DRC3: variants seen among roughly 807,000 people sequenced by gnomAD.
The protein encoded by DRC3 is dynein regulatory complex subunit 3.
DRC3 carries 45 observed loss-of-function variants against 57.6 expected under a neutral mutation model. The observed-to-expected ratio is 0.78, with a 90% CI of 0.62 to 1.00. DRC3 has a LOEUF of 1.00. Among genes scored for constraint, DRC3 ranks in the 50% least tolerant of loss-of-function variants. The probability of loss-of-function intolerance (pLI) is 0.00; values close to 1 mark genes in which losing one functional copy is unlikely to be tolerated. For synonymous variants in DRC3, 257 were observed against 272.3 expected (o/e 0.94, Z 0.55); for missense variants, 655 against 675.2 (o/e 0.97, Z 0.33).
In DRC3 at chr17:18,004,500, G is replaced by C; in HGVS notation, c.1131+6G>C. 3 of 1,608,658 alleles carry C rather than the reference G, an allele frequency of 1.9e-6. No individual in the cohort carries two copies. Among genetic ancestry groups the C allele is most frequent in the African/African-American group, 1.3e-5 (1 of 74,994 alleles). On this transcript the variant is annotated splice_donor_region_variant and intron_variant, in intron 10 of 13. Transcript: ENST00000399187. ...AGCTGGTGGAGCAGCTGGAGGTAAG[G>C]CTGGGCCCTGGGCACAAGTGCCAGA...
chr17:17,982,888 C>T (rs773018338), intron 3 of DRC3, among the ~76,000 whole-genome samples: 1 of 152,140 alleles, frequency 6.6e-6, no homozygotes, highest in African/African-American at 2.4e-5. Context: ...TGAGCATATT[C>T]TAATTTTATA....
intron 9 of DRC3, among the ~76,000 whole-genome samples, chr17:17,998,991 A>G (rs952271347): frequency 6.6e-6 from 1 of 152,198 alleles, no homozygotes; most frequent in Non-Finnish European, 1.5e-5. Context: ...TCCCCTCTGG[A>G]CAGGTCATGT....
At position 18,016,244 on chromosome 17, in the gene DRC3, T is replaced by G. The variant is rs752836364; in HGVS notation, c.1458+49T>G. ...AGCAGGCTGGATGAACTTTTCTAGC[T>G]GACATGGAAATCCTCCCTAGGTAGT... On this transcript the variant is annotated intron_variant, in intron 13 of 13. Transcript: ENST00000399187. The G allele has an allele frequency of 1.1e-5, 18 of 1,596,368 alleles. No homozygotes were observed. In the East Asian group the frequency reaches 4.0e-4, roughly 36 times the overall value.
At chr17:17,994,545 G>A in intron 7 of DRC3, 127 bp downstream of exon 7, 1 of 1,310,834 alleles carries the variant, frequency 7.6e-7, no homozygotes, top group Non-Finnish European at 1.0e-6. Context: ...CCTCCACAGG[G>A]CCTGATGCCC....
chr17:18,000,332 C>G (rs549300138), intron 9 of DRC3, among the ~76,000 whole-genome samples: 11 of 138,452 alleles, frequency 7.9e-5, no homozygotes, highest in Non-Finnish European at 1.5e-4. Context: ...ATAGCATGCC[C>G]TGTTCTGTAC....
intron 8 of DRC3, 58 bp from the exon 9 acceptor site, chr17:17,997,402 C>G: frequency 6.4e-7 from 1 of 1,559,378 alleles, no homozygotes; most frequent in Non-Finnish European, 8.8e-7. Flanking sequence ...AACACCTTGG[C>G]CGTGCCCTCC....
chr17:18,009,225 G>A (rs2044086417), intron 12 of DRC3, among the ~76,000 whole-genome samples: 1 of 152,170 alleles, frequency 6.6e-6, no homozygotes, highest in Non-Finnish European at 1.5e-5. Context: ...ACCAGCCTGG[G>A]TAACATAGCG....
rs577269093 is a variant in DRC3 at position 18,008,658 on chromosome 17, A to G, written c.1326+1511A>G. Among the ~76,000 whole-genome samples the G allele has an allele frequency of 2.6e-4, 40 of 152,338 alleles. 1 individual carries two copies. The South Asian group carries it at 8.3e-3, about 32-fold the overall frequency. ...AGACACCCAACATAGCAGTGTGGTG[A>G]TAGGGTCACCGTGACACCAGCCTTC... is the stretch of plus-strand genomic sequence containing the variant. On this transcript the variant is annotated intron_variant, in intron 12 of 13. Coordinates refer to ENST00000399187, the MANE Select transcript of DRC3 (RefSeq NM_031294.4). The surrounding 1 kb of genome is among the most constrained non-coding windows in gnomAD (Gnocchi z 4.3).
At chr17:18,015,033 G>A (rs1264300421) in intron 12 of DRC3, 2 of 152,128 alleles carry the variant, frequency 1.3e-5, no homozygotes, top group African/African-American at 2.4e-5. Flanking sequence ...GAAGTCTGTA[G>A]CCAAAAAAGT....
intron 2 of DRC3, among the ~76,000 whole-genome samples, chr17:17,976,609 C>T (rs1318901130): frequency 2.0e-5 from 3 of 152,024 alleles, no homozygotes; most frequent in Non-Finnish European, 4.4e-5. Context: ...TGAATCCGGG[C>T]GTTGCAGTGA....
At chr17:17,994,084 C>A in intron 6 of DRC3, 1 of 547,090 alleles carries the variant, frequency 1.8e-6, no homozygotes, top group Non-Finnish European at 3.1e-6. Flanking sequence ...TGGTCTTTCC[C>A]TGATTTCCCT....
Position 17,997,548 on chromosome 17 carries a change from T to C in DRC3, c.913T>C (p.Phe305Leu). The C allele has an allele frequency of 6.2e-7, 1 of 1,610,952 alleles. No homozygotes were observed. Among genetic ancestry groups the C allele is most frequent in the Non-Finnish European group, 8.5e-7 (1 of 1,178,744 alleles). The change falls in exon 9 of 14, where the codon TTC becomes CTC. Residue 305 changes from phenylalanine (F) to leucine (L), a missense_variant. Phe to Leu is a conservative substitution (Grantham distance 22, BLOSUM62 0). Coordinates refer to ENST00000399187, the MANE Select transcript of DRC3 (RefSeq NM_031294.4). The part of the protein sequence containing the change: ...QEKRKTELDT[F>L]SECVREAIQE... ...GAAGCGGAAAACAGAGCTTGACACC[T>C]TCAGTGAATGTGTCCGTGAGGCCAT...
At chr17:18,006,123 C>A in intron 10 of DRC3, 60 bp from the exon 11 acceptor site, 1 of 1,300,590 alleles carries the variant, frequency 7.7e-7, no homozygotes, top group South Asian at 1.2e-5. Flanking sequence ...TGAGGAGTAC[C>A]TTTTGCTCTG....
chr17:17,983,593 C>G (rs1487736279), intron 3 of DRC3, among the ~76,000 whole-genome samples: 1 of 152,116 alleles, frequency 6.6e-6, no homozygotes, highest in Non-Finnish European at 1.5e-5. Context: ...TAGCTCCACC[C>G]TAGTAAACCT....
chr17:18,002,549 G>A (rs2043780341), intron 9 of DRC3, among the ~76,000 whole-genome samples: 1 of 152,128 alleles, frequency 6.6e-6, no homozygotes, highest in South Asian at 2.1e-4. Flanking sequence ...TTGCTCACTG[G>A]GGTTCTGTGT....
Position 17,988,107 on chromosome 17 carries a change from C to T in DRC3, c.444+9C>T, listed in dbSNP as rs1303553792. On this transcript the variant is annotated intron_variant, in intron 5 of 13. Transcript: ENST00000399187. ...TTGACAACATGATGAACGTGAGTGG[C>T]CGCCCAGCCCGCCCTCACGCACACC... 6.2e-7 allele frequency: 1 copy of T among 1,611,286 alleles called. No homozygotes were observed. The highest frequency in any genetic ancestry group is 1.1e-5 in the South Asian group (1 of 90,758).
chr17:18,001,931 C>T (rs1328909184), intron 9 of DRC3, among the ~76,000 whole-genome samples: 1 of 151,786 alleles, frequency 6.6e-6, no homozygotes, highest in African/African-American at 2.4e-5. Context: ...CTTTGGGAGA[C>T]CAAGGCGGGC....
At chr17:17,977,519 C>T in intron 2 of DRC3, 63 bp from the exon 3 acceptor site, 1 of 1,594,866 alleles carries the variant, frequency 6.3e-7, no homozygotes, top group South Asian at 1.1e-5. Context: ...GAAACCTCAG[C>T]CAGACCCTGC....
intron 12 of DRC3, among the ~76,000 whole-genome samples, chr17:18,012,940 C>T (rs559415118): frequency 6.6e-6 from 1 of 152,102 alleles, no homozygotes; most frequent in African/African-American, 2.4e-5. Context: ...CCAGAATATA[C>T]AATGAACTCT....
Sources: gnomAD v4.1 joint callset for allele counts (sites outside exome capture counted in the v4.1 genomes callset) on GRCh38, gnomAD v4.1.1 for gene constraint, Gnocchi (gnomAD v3.1) non-coding constraint, MANE v1.5 for transcripts, NCBI Gene and HGNC (gene_info 2026-07-23, HGNC 2026-07-21) for gene names.